NSD3: variants seen among roughly 807,000 people sequenced by gnomAD.
NSD3 encodes the protein histone-lysine N-methyltransferase NSD3.
NSD3 carries 24 observed loss-of-function variants against 160.8 expected under a neutral mutation model. The ratio of observed to expected loss-of-function variants is 0.15; its 90% CI spans 0.11 to 0.21. NSD3 has a LOEUF of 0.21. NSD3 is among the 10% of genes least tolerant of loss of function. The pLI is 1.00. For missense variants in NSD3, 1,157 were observed against 1,735.9 expected (o/e 0.67, Z 5.93); for synonymous variants, 520 against 600.0 (o/e 0.87, Z 1.95).
intron 16 of NSD3, among the ~76,000 whole-genome samples, chr8:38,291,173 T>C (rs182082458): frequency 2.0e-5 from 3 of 152,346 alleles, no homozygotes; most frequent in East Asian, 3.9e-4. Context: ...CACCTCTTGG[T>C]CAAATGTACT....
chr8:38,279,738 C>T, intron 20 of NSD3, 57 bp from the exon 21 acceptor site: 1 of 1,559,914 alleles, frequency 6.4e-7, no homozygotes, highest in Non-Finnish European at 8.7e-7. Flanking sequence ...CCAGAAACAT[C>T]CAACTCAGTC....
At chr8:38,336,649 T>C (rs751625167) in intron 4 of NSD3, among the ~76,000 whole-genome samples, 1 of 152,208 alleles carries the variant, frequency 6.6e-6, no homozygotes, top group Non-Finnish European at 1.5e-5. Context: ...TAAGTTCATA[T>C]AAAACATCTG....
In NSD3 at chr8:38,326,846, T is replaced by C. The variant is rs754420389; in HGVS notation, c.1592A>G (p.Asn531Ser). 6 of 1,613,678 alleles carry C rather than the reference T, an allele frequency of 3.7e-6. No individual in the cohort carries two copies. The South Asian group carries it at 5.5e-5, about 15-fold the overall frequency. Reference protein sequence around the residue: ...QFVYSTKGIGNKTEISVRGQD... With the variant: ...QFVYSTKGIGSKTEISVRGQD... ...CCCCCTGACACTTATTTCTGTTTTG[T>C]TACCAATTCCCTTTAAAATAAGGCA... Residue 531 changes from asparagine to serine, a missense_variant, in exon 7 of 24, where the codon AAC becomes AGC. Asn to Ser is a conservative substitution (Grantham distance 46). Coordinates refer to ENST00000317025, the MANE Select transcript of NSD3 (RefSeq NM_023034.2).
In NSD3 at chr8:38,318,040, T is replaced by C. The variant is rs1809711287; in HGVS notation, c.1855+855A>G. 6.2e-7 allele frequency: 1 copy of C among 1,613,884 alleles called. No individual in the cohort carries two copies. Among genetic ancestry groups the C allele is most frequent in the African/African-American group, 1.3e-5 (1 of 74,896 alleles). On this transcript the variant is annotated intron_variant, in intron 9 of 23. Transcript: ENST00000317025. This position sits in a 1 kb window ranked among gnomAD's most constrained non-coding sequence, Gnocchi z 5.3. ...CCTGCACTCCCCGGTCCGCCGACCCTGTGGAATGGTGGAAACACAACGCAA... is the reference window on the plus strand; with the variant it reads ...CCTGCACTCCCCGGTCCGCCGACCCCGTGGAATGGTGGAAACACAACGCAA...
chr8:38,293,172 G>T (rs1404780057), intron 16 of NSD3, among the ~76,000 whole-genome samples: 1 of 151,826 alleles, frequency 6.6e-6, no homozygotes, highest in Non-Finnish European at 1.5e-5. Flanking sequence ...AAAGAAGTGG[G>T]GGGAGGTTTG....
chr8:38,319,077 T>C lies in NSD3; in HGVS notation c.1810-137A>G. Reference sequence around the variant, plus strand: ...CTGAAATCTGAACTCAGTCCCATCTTTTGGGTAAAGTTCTCTGTCTCAAGA... The same window carrying C: ...CTGAAATCTGAACTCAGTCCCATCTCTTGGGTAAAGTTCTCTGTCTCAAGA... On this transcript the variant is annotated intron_variant, in intron 8 of 23. Transcript: ENST00000317025. This position sits in a 1 kb window ranked among gnomAD's most constrained non-coding sequence, Gnocchi z 4.1. The C allele has an allele frequency of 6.2e-6, 5 of 801,098 alleles. No homozygotes were observed. Among genetic ancestry groups the C allele is most frequent in the Non-Finnish European group, 6.0e-6 (3 of 499,660 alleles). The allele number at this position is 801,098 out of a possible 1,614,324, so 49.6% of individuals were successfully genotyped here.
intron 15 of NSD3, among the ~76,000 whole-genome samples, chr8:38,297,689 AT>A (rs951227901): frequency 1.3e-5 from 2 of 152,174 alleles, no homozygotes; most frequent in East Asian, 1.9e-4. Context: ...AATCATCAAG[AT>A]TTTTTTTCTG....
At chr8:38,372,756 A>G (rs1322811568) in intron 1 of NSD3, among the ~76,000 whole-genome samples, 1 of 150,556 alleles carries the variant, frequency 6.6e-6, no homozygotes, top group Non-Finnish European at 1.5e-5. Flanking sequence ...TCGGCCTCCC[A>G]AAGTGCTGGG....
intron 1 of NSD3, among the ~76,000 whole-genome samples, chr8:38,366,558 C>A (rs62503957): frequency 6.6e-6 from 1 of 151,600 alleles, no homozygotes; most frequent in Non-Finnish European, 1.5e-5. Context: ...GGACTACAGG[C>A]GCCCGCCACC....
intron 1 of NSD3, among the ~76,000 whole-genome samples, chr8:38,367,506 G>A (rs893004559): frequency 3.9e-5 from 6 of 152,154 alleles, no homozygotes; most frequent in Non-Finnish European, 8.8e-5. Context: ...GAGGTCAGCA[G>A]TTCAAGACAA....
chr8:38,371,643 A>G (rs557423837), intron 1 of NSD3, among the ~76,000 whole-genome samples: 11 of 152,330 alleles, frequency 7.2e-5, no homozygotes, highest in Admixed American at 7.2e-4. Flanking sequence ...AATAAAACAA[A>G]GCAAGAAGTT....
chr8:38,284,941 G>A (rs62503952), intron 19 of NSD3, among the ~76,000 whole-genome samples: 16,624 of 152,182 alleles, frequency 0.11, 1,114 homozygotes, highest in Non-Finnish European at 0.16. Flanking sequence ...TGTAAATAAA[G>A]ATGGAAATAT....
chr8:38,290,331 A>C, intron 17 of NSD3, 144 bp downstream of exon 17: 1 of 814,274 alleles, frequency 1.2e-6, no homozygotes, highest in South Asian at 1.6e-5. Flanking sequence ...ACCTGGTTCT[A>C]ATGTGACTGG....
chr8:38,279,863 C>T (rs1437038541), intron 20 of NSD3, 182 bp from the exon 21 acceptor site: 1 of 596,188 alleles, frequency 1.7e-6, no homozygotes, highest in Non-Finnish European at 2.8e-6. Context: ...TGATGACCTT[C>T]AAGTCAAAGT....
rs1361267903 is a variant in NSD3, at chr8:38,274,693, A to T, written c.*948T>A. 1 of 153,058 alleles carries T rather than the reference A, an allele frequency of 6.5e-6. No individual in the cohort carries two copies. The highest frequency in any genetic ancestry group is 1.5e-5 in the Non-Finnish European group (1 of 68,488). 9.5% of individuals were successfully genotyped at this position (153,058 alleles called of 1,614,324 possible). ...AATAAAATGCCTGTAATTCTCTCCAATTAAGACCAGGGTCTACAATAAAAT... is the reference window on the plus strand; with the variant it reads ...AATAAAATGCCTGTAATTCTCTCCATTTAAGACCAGGGTCTACAATAAAAT... On this transcript the variant is annotated 3_prime_UTR_variant, in exon 24 of 24. Coordinates refer to ENST00000317025, the MANE Select transcript of NSD3 (RefSeq NM_023034.2).
intron 4 of NSD3, among the ~76,000 whole-genome samples, chr8:38,332,864 A>G (rs904824829): frequency 1.3e-5 from 2 of 152,188 alleles, no homozygotes; most frequent in Non-Finnish European, 2.9e-5. Flanking sequence ...TGTTCTAGAG[A>G]AAAAGTATTA....
Position 38,288,800 on chromosome 8 carries a change from C to T in NSD3, c.3232-44G>A. 1 of 1,596,844 alleles carries T rather than the reference C, an allele frequency of 6.3e-7. No individual in the cohort carries two copies. The highest frequency in any genetic ancestry group is 8.6e-7 in the Non-Finnish European group (1 of 1,169,372). On this transcript the variant is annotated intron_variant, in intron 18 of 23. Coordinates refer to ENST00000317025, the MANE Select transcript of NSD3 (RefSeq NM_023034.2). This position sits in a 1 kb window ranked among gnomAD's most constrained non-coding sequence, Gnocchi z 4.5. ...AGCGAGAGAGAGGCAGCAGGTAAGT[C>T]ATCTGGCAATGTGAACAGGAACATC...
chr8:38,326,526 G>A (rs1809915255), intron 7 of NSD3, among the ~76,000 whole-genome samples: 1 of 152,100 alleles, frequency 6.6e-6, no homozygotes, highest in Non-Finnish European at 1.5e-5. Flanking sequence ...TTTAATTCTT[G>A]TACAAAAAAT....
chr8:38,368,440 C>A (rs534571038), intron 1 of NSD3, among the ~76,000 whole-genome samples: 77 of 152,186 alleles, frequency 5.1e-4, no homozygotes, highest in African/African-American at 1.8e-3. Context: ...AAGTAACCTG[C>A]GTGAAGTAGA....
Sources: gnomAD v4.1 joint callset for allele counts (sites outside exome capture counted in the v4.1 genomes callset) on GRCh38, gnomAD v4.1.1 for gene constraint, Gnocchi (gnomAD v3.1) non-coding constraint, MANE v1.5 for transcripts, NCBI Gene and HGNC (gene_info 2026-07-23, HGNC 2026-07-21) for gene names.